Variants in SLC22A25 observed in about 807,000 individuals in gnomAD.
The protein encoded by SLC22A25 is MGI:2442751, MGI:2385316, MGI:3042283, MGI:3645714, MGI:3605624, MGI:2442750.
A neutral mutation model predicts 45.9 loss-of-function variants in SLC22A25; 44 were observed. The ratio of observed to expected loss-of-function variants is 0.96; its 90% CI spans 0.75 to 1.23. The LOEUF is 1.23. SLC22A25 is among the 50% of genes most tolerant of loss of function. The pLI, the probability that SLC22A25 is intolerant of heterozygous loss-of-function variation, is 0.00. For missense variants in SLC22A25, 800 were observed against 666.4 expected (o/e 1.20, Z -2.21); for synonymous variants, 283 against 238.6 (o/e 1.19, Z -1.72).
At chr11:63,171,095 C>T (rs557419396) in intron 9 of SLC22A25, among the ~76,000 whole-genome samples, 2 of 152,260 alleles carry the variant, frequency 1.3e-5, no homozygotes, top group East Asian at 1.9e-4. Context: ...CAGAAAAGAC[C>T]TTCAATCAAA....
At chr11:63,178,176 C>T (rs895128950) in intron 9 of SLC22A25, among the ~76,000 whole-genome samples, 100 of 152,020 alleles carry the variant, frequency 6.6e-4, no homozygotes, top group African/African-American at 2.3e-3. Flanking sequence ...CAGGTGTGGG[C>T]CACCACGCCC....
At chr11:63,198,258 T>C (rs1038057024) in intron 7 of SLC22A25, among the ~76,000 whole-genome samples, 50 of 152,194 alleles carry the variant, frequency 3.3e-4, no homozygotes, top group Non-Finnish European at 6.0e-4. Context: ...CATGCTGCTA[T>C]AAAGACACAT....
intron 7 of SLC22A25, among the ~76,000 whole-genome samples, chr11:63,216,756 C>T (rs1167014187): frequency 6.6e-6 from 1 of 152,152 alleles, no homozygotes; most frequent in Non-Finnish European, 1.5e-5. Context: ...TACAACGAAT[C>T]CTCATTATGC....
intron 9 of SLC22A25, among the ~76,000 whole-genome samples, chr11:63,175,732 G>A (rs2088060744): frequency 6.6e-6 from 1 of 151,874 alleles, no homozygotes; most frequent in African/African-American, 2.4e-5. Context: ...ATAGTTTCAG[G>A]TCTCATGTTA....
intron 1 of SLC22A25, among the ~76,000 whole-genome samples, chr11:63,240,266 C>G (rs960535928): frequency 7.9e-5 from 12 of 152,082 alleles, no homozygotes; most frequent in African/African-American, 2.7e-4. Context: ...GGAAGTTGCT[C>G]TGGGTGAGTC....
intron 7 of SLC22A25, among the ~76,000 whole-genome samples, chr11:63,197,803 G>A (rs1464875823): frequency 6.7e-6 from 1 of 150,014 alleles, no homozygotes; most frequent in Non-Finnish European, 1.5e-5. Context: ...CAGAATGGGA[G>A]AAAATTTTGG....
intron 9 of SLC22A25, among the ~76,000 whole-genome samples, chr11:63,174,626 T>C (rs2088019847): frequency 1.3e-5 from 2 of 152,102 alleles, no homozygotes; most frequent in Non-Finnish European, 2.9e-5. Flanking sequence ...CTGGGAACTC[T>C]CAAAACACCT....
chr11:63,240,986 T>C (rs1027727981), intron 1 of SLC22A25, among the ~76,000 whole-genome samples: 1 of 152,288 alleles, frequency 6.6e-6, no homozygotes, highest in African/African-American at 2.4e-5. Flanking sequence ...AAAAAATTTG[T>C]AGCATTGACT....
At position 63,164,622 on chromosome 11, in the gene SLC22A25, A is replaced by G; in HGVS notation, c.1298T>C (p.Leu433Pro). 6.2e-7 allele frequency: 1 copy of G among 1,613,692 alleles called. No individual in the cohort carries two copies. Among genetic ancestry groups the G allele is most frequent in the East Asian group, 2.2e-5 (1 of 44,850 alleles). ...IIFVPQEMQTLRVVLATLGVG... is the reference protein window; with the variant it reads ...IIFVPQEMQTPRVVLATLGVG... ...ACCCAGGGTTGCCAAAACCACACGC[A>G]GGGTCTGCATTTCTGGAGAAAGGAA... The change falls in exon 11 of 12, where the codon CTG becomes CCG. Residue 433 changes from leucine to proline, a missense_variant. Transcript: ENST00000306494.
Position 63,243,422 on chromosome 11 carries a change from G to A in SLC22A25, c.-996+12C>T. On this transcript the variant is annotated intron_variant, in intron 1 of 11. Coordinates refer to ENST00000306494, the MANE Select transcript of SLC22A25 (RefSeq NM_199352.6). ...GTGTGAAGAAAAGGTTTTCCCTCTG[G>A]CCACGATTTACCTGGACTGTTTCTT... is the stretch of plus-strand genomic sequence containing the variant. 1.4e-6 allele frequency: 1 copy of A among 736,932 alleles called. No individual in the cohort carries two copies. Among genetic ancestry groups the A allele is most frequent in the Non-Finnish European group, 2.5e-6 (1 of 394,264 alleles). The allele number at this position is 736,932 out of a possible 1,614,324, so 45.6% of individuals were successfully genotyped here.
intron 9 of SLC22A25, among the ~76,000 whole-genome samples, chr11:63,172,447 GA>G (rs923750047): frequency 4.6e-5 from 7 of 151,850 alleles, no homozygotes; most frequent in Non-Finnish European, 1.0e-4. Context: ...AAATTTACAA[GA>G]AAAAAATCCC....
In SLC22A25 at chr11:63,229,458, C is replaced by G. The variant is rs1157495649; in HGVS notation, c.195G>C (p.Gly65=). The part of the protein sequence containing the change: ...DNDTIPDNDP[G]TLSQDALLRI... The stretch of plus-strand genomic sequence containing the variant: ...TCAGGAGGGCATCCTGGCTGAGGGT[C>G]CCAGGGTCATTGTCAGGGATAGTGT... Residue 65 remains glycine, a synonymous_variant, in exon 4 of 12, where the codon GGG becomes GGC. Coordinates refer to ENST00000306494, the MANE Select transcript of SLC22A25 (RefSeq NM_199352.6). The G allele has an allele frequency of 5.6e-6, 9 of 1,614,064 alleles. No individual in the cohort carries two copies. Among genetic ancestry groups the G allele is most frequent in the Non-Finnish European group, 7.6e-6 (9 of 1,179,936 alleles).
intron 5 of SLC22A25, among the ~76,000 whole-genome samples, chr11:63,221,683 A>G (rs182030624): frequency 2.0e-5 from 3 of 152,144 alleles, no homozygotes; most frequent in East Asian, 1.9e-4. Flanking sequence ...CTTGTTGTGT[A>G]TTACTGAAGA....
At chr11:63,181,975 C>T (rs1054041604) in intron 8 of SLC22A25, among the ~76,000 whole-genome samples, 2 of 152,020 alleles carry the variant, frequency 1.3e-5, no homozygotes, top group East Asian at 1.9e-4. Context: ...GTACTGAACT[C>T]GCTGACCACT....
chr11:63,166,110 G>C lies in SLC22A25; in HGVS notation c.1219C>G (p.Leu407Val), dbSNP rs1215656525. ...AGGAACATGAGAAGCATCTGGCTTAGTCGACGGCTCATGTGATTCAGTGCC... is the reference window on the plus strand; with the variant it reads ...AGGAACATGAGAAGCATCTGGCTTACTCGACGGCTCATGTGATTCAGTGCC... ...PWALNHMSRR[L>V]SQMLLMFLLA... is the part of the protein sequence containing the mutation. The change falls in exon 10 of 12, where the codon CTA becomes GTA. Residue 407 changes from leucine to valine, a missense_variant. Transcript: ENST00000306494. The C allele has an allele frequency of 6.2e-7, 1 of 1,613,920 alleles. No homozygotes were observed. The highest frequency in any genetic ancestry group is 8.5e-7 in the Non-Finnish European group (1 of 1,179,964).
intron 3 of SLC22A25, among the ~76,000 whole-genome samples, chr11:63,233,537 T>G (rs1045557716): frequency 6.6e-6 from 1 of 152,224 alleles, no homozygotes; most frequent in Non-Finnish European, 1.5e-5. Context: ...TTGTTCTTTA[T>G]TAGTCCTGCT....
chr11:63,207,926 G>A (rs192139390), intron 7 of SLC22A25, among the ~76,000 whole-genome samples: 127 of 151,944 alleles, frequency 8.4e-4, no homozygotes, highest in African/African-American at 2.6e-3. Context: ...CCTACCCCAC[G>A]AAATGCTTAA....
At chr11:63,241,662 G>A (rs1387012327) in intron 1 of SLC22A25, among the ~76,000 whole-genome samples, 1 of 152,096 alleles carries the variant, frequency 6.6e-6, no homozygotes, top group Non-Finnish European at 1.5e-5. Flanking sequence ...GACTATCAAG[G>A]CCCCCAGAGG....
At chr11:63,212,581 A>C (rs1438736431) in intron 7 of SLC22A25, among the ~76,000 whole-genome samples, 1 of 149,876 alleles carries the variant, frequency 6.7e-6, no homozygotes, top group Non-Finnish European at 1.5e-5. Flanking sequence ...AAAACCAAAC[A>C]CCACATGTTC....
Sources: gnomAD v4.1 joint callset for allele counts (sites outside exome capture counted in the v4.1 genomes callset) on GRCh38, gnomAD v4.1.1 for gene constraint, MANE v1.5 for transcripts, NCBI Gene and HGNC (gene_info 2026-07-23, HGNC 2026-07-21) for gene names.